The following IL1RAPL2 variants were observed in gnomAD, a reference collection of about 807,000 sequenced individuals.
IL1RAPL2 encodes the protein interleukin 1 receptor accessory protein like 2.
In IL1RAPL2, 3 loss-of-function variants were observed where a neutral mutation model predicts 44.1. The ratio of observed to expected loss-of-function variants is 0.07; its 90% CI spans 0.03 to 0.18. The LOEUF (loss-of-function observed/expected upper bound fraction) is 0.18. Ranked by LOEUF, IL1RAPL2 falls within the 10% of genes least tolerant of loss-of-function variation. The probability of loss-of-function intolerance (pLI) is 1.00; values close to 1 mark genes in which losing one functional copy is unlikely to be tolerated. For synonymous variants in IL1RAPL2, 181 were observed against 178.8 expected, an observed-to-expected ratio of 1.01 and a Z score of -0.10; for missense variants, 391 against 496.4, an observed-to-expected ratio of 0.79 and a Z score of 2.02.
At chrX:105,664,888 C>T in intron 6 of IL1RAPL2, among the ~76,000 whole-genome samples, 1 of 111,949 alleles carries the variant, frequency 8.9e-6, no homozygotes, top group Non-Finnish European at 1.9e-5. Context: ...TAAACTCCTG[C>T]TGGAGAAAAC....
intron 2 of IL1RAPL2, among the ~76,000 whole-genome samples, chrX:105,119,055 A>G (rs142428840): frequency 3.9e-4 from 43 of 111,638 alleles, no homozygotes; most frequent in African/African-American, 1.4e-3. Context: ...CACAGGACAC[A>G]CTTTGACCTG....
At chrX:105,181,908 G>GA (rs1310723199) in intron 2 of IL1RAPL2, among the ~76,000 whole-genome samples, 6 of 107,404 alleles carry the variant, frequency 5.6e-5, no homozygotes, top group Non-Finnish European at 9.6e-5. Flanking sequence ...ACTAAAAATA[G>GA]AAAAAAAAAT....
At chrX:105,761,220 TACACACACACACACACAC>T (rs113089380) in intron 10 of IL1RAPL2, among the ~76,000 whole-genome samples, 16 of 84,153 alleles carry the variant, frequency 1.9e-4, no homozygotes, top group Non-Finnish European at 2.8e-4. Flanking sequence ...ACTCTTCCTA[TACACACACACACACACAC>T]ACACACACAC....
intron 2 of IL1RAPL2, among the ~76,000 whole-genome samples, chrX:104,976,807 GA>G (rs2030344823): frequency 9.2e-6 from 1 of 108,313 alleles, no homozygotes; most frequent in Non-Finnish European, 1.9e-5. Context: ...TGGGGCCACA[GA>G]AAAATGTGAC....
At chrX:105,576,472 T>C (rs967915452) in intron 6 of IL1RAPL2, among the ~76,000 whole-genome samples, 11 of 111,513 alleles carry the variant, frequency 9.9e-5, no homozygotes, top group Non-Finnish European at 2.1e-4. Flanking sequence ...GTTGTAGGTG[T>C]GCATGTGCTG....
At position 104,681,014 on chromosome X, in the gene IL1RAPL2, C is replaced by G. The variant is rs145353037; in HGVS notation, c.82+22019C>G. On this transcript the variant is annotated intron_variant, in intron 2 of 10. Coordinates refer to ENST00000372582, the MANE Select transcript of IL1RAPL2 (RefSeq NM_017416.2). ...TTCTTATCTTTTTATCCTTGGGTAT[C>G]TGAAATTAGAGCACAGCGAGTTCTG... is the stretch of plus-strand genomic sequence containing the variant. Among the ~76,000 whole-genome samples, 799 of 111,894 alleles carry G rather than the reference C, an allele frequency of 7.1e-3. 3 individuals carry two copies. The highest frequency in any genetic ancestry group is 0.022 in the African/African-American group (694 of 30,865).
chrX:105,368,239 C>G (rs777301842), intron 5 of IL1RAPL2, among the ~76,000 whole-genome samples: 1 of 111,349 alleles, frequency 9.0e-6, no homozygotes, highest in East Asian at 2.8e-4. Context: ...TGGTTTCTCT[C>G]TCTTGCATCC....
chrX:105,317,740 T>C (rs1325758335), intron 5 of IL1RAPL2, among the ~76,000 whole-genome samples: 1 of 110,737 alleles, frequency 9.0e-6, no homozygotes, highest in African/African-American at 3.3e-5. Flanking sequence ...TTTTTCTTTT[T>C]TCCCCCCTGA....
At chrX:104,814,658 A>G (rs1292978270) in intron 2 of IL1RAPL2, among the ~76,000 whole-genome samples, 4 of 111,493 alleles carry the variant, frequency 3.6e-5, no homozygotes, top group Admixed American at 1.9e-4. Context: ...TCTATTGTCA[A>G]CCTCCCTCAG....
intron 2 of IL1RAPL2, among the ~76,000 whole-genome samples, chrX:104,960,503 T>C (rs1382103885): frequency 9.0e-6 from 1 of 111,437 alleles, no homozygotes; most frequent in Non-Finnish European, 1.9e-5. Flanking sequence ...TTTTTCTGTG[T>C]CATTCTTAAA....
At chrX:104,676,617 T>C (rs1328256158) in intron 2 of IL1RAPL2, among the ~76,000 whole-genome samples, 3 of 111,672 alleles carry the variant, frequency 2.7e-5, no homozygotes, top group African/African-American at 9.8e-5. Flanking sequence ...TGTAGCGTTT[T>C]CTGTATTTCC....
At chrX:104,744,050 A>G (rs1380858581) in intron 2 of IL1RAPL2, among the ~76,000 whole-genome samples, 2 of 110,867 alleles carry the variant, frequency 1.8e-5, no homozygotes, top group Admixed American at 1.9e-4. Context: ...TGATAACCAG[A>G]ATGCAGGATG....
Position 104,718,936 on chromosome X carries a change from C to T in IL1RAPL2, c.82+59941C>T, listed in dbSNP as rs781366304. 3.6e-3 allele frequency among the ~76,000 whole-genome samples: 399 copies of T among 111,626 alleles called. 1 individual carries two copies. Among genetic ancestry groups the T allele is most frequent in the African/African-American group, 0.012 (358 of 30,821 alleles). On this transcript the variant is annotated intron_variant, in intron 2 of 10. Coordinates refer to ENST00000372582, the MANE Select transcript of IL1RAPL2 (RefSeq NM_017416.2). ...AAAGTAGCCGTTGACAATAAGTAAACGAATAAGCTTAGCTATGTTCCAAAC... is the reference window on the plus strand; with the variant it reads ...AAAGTAGCCGTTGACAATAAGTAAATGAATAAGCTTAGCTATGTTCCAAAC...
At chrX:105,080,275 T>G (rs1385380793) in intron 2 of IL1RAPL2, among the ~76,000 whole-genome samples, 2 of 112,210 alleles carry the variant, frequency 1.8e-5, no homozygotes, top group Non-Finnish European at 3.8e-5. Context: ...TTTGGTCTTT[T>G]AGTCATAAAG....
At chrX:105,345,469 C>A (rs751570271) in intron 5 of IL1RAPL2, among the ~76,000 whole-genome samples, 6 of 111,529 alleles carry the variant, frequency 5.4e-5, no homozygotes, top group Non-Finnish European at 7.5e-5. Flanking sequence ...GCCCTCCTGC[C>A]CTTCTGAGAC....
intron 5 of IL1RAPL2, among the ~76,000 whole-genome samples, chrX:105,397,807 A>G (rs982741209): frequency 1.8e-5 from 2 of 111,451 alleles, no homozygotes; most frequent in African/African-American, 6.5e-5. Context: ...TTTAGGGCTC[A>G]AAAAATTTTT....
rs1230888898 is a variant in IL1RAPL2, at chrX:105,686,120, C to T, written c.773-31247C>T. On this transcript the variant is annotated intron_variant, in intron 6 of 10. Coordinates refer to ENST00000372582, the MANE Select transcript of IL1RAPL2 (RefSeq NM_017416.2). ...AAACATGACAAATTGTAAAGACCAT[C>T]GATGCTATGAAGAAACTGCATCAAT... is the stretch of plus-strand genomic sequence containing the variant. Among the ~76,000 whole-genome samples, 12 of 110,617 alleles carry T rather than the reference C, an allele frequency of 1.1e-4. No homozygotes were observed. The East Asian group carries it at 3.4e-3, about 31-fold the overall frequency.
intron 2 of IL1RAPL2, among the ~76,000 whole-genome samples, chrX:104,755,240 A>G (rs1464125653): frequency 9.0e-6 from 1 of 110,759 alleles, no homozygotes; most frequent in Non-Finnish European, 1.9e-5. Flanking sequence ...AAAGTTATGG[A>G]CTGCTTTCCC....
intron 5 of IL1RAPL2, among the ~76,000 whole-genome samples, chrX:105,318,784 A>G (rs1036590478): frequency 1.8e-5 from 2 of 111,073 alleles, no homozygotes; most frequent in Non-Finnish European, 3.8e-5. Context: ...TACTCTCACT[A>G]TTGTTATCCA....
Sources: gnomAD v4.1 joint callset for allele counts (sites outside exome capture counted in the v4.1 genomes callset) on GRCh38, gnomAD v4.1.1 for gene constraint, MANE v1.5 for transcripts, NCBI Gene and HGNC (gene_info 2026-07-23, HGNC 2026-07-21) for gene names.